Variants in HELZ observed in about 807,000 individuals in gnomAD.
HELZ encodes the protein helicase with zinc finger.
In HELZ, 23 loss-of-function variants were observed where a neutral mutation model predicts 218.2. That is an observed-to-expected ratio of 0.11 (90% CI 0.08 to 0.15). The LOEUF (loss-of-function observed/expected upper bound fraction) is 0.15, where lower values mean the gene tolerates loss of function less well. Ranked by LOEUF, HELZ falls within the 10% of genes least tolerant of loss-of-function variation. The pLI, the probability that HELZ is intolerant of heterozygous loss-of-function variation, is 1.00. For synonymous variants in HELZ, 814 were observed against 829.4 expected (o/e 0.98, Z 0.32); for missense variants, 1,813 against 2,353.7 (o/e 0.77, Z 4.75).
intron 14 of HELZ, among the ~76,000 whole-genome samples, chr17:67,166,851 CTAT>C (rs2039161319): frequency 6.6e-6 from 1 of 152,008 alleles, no homozygotes; most frequent in Non-Finnish European, 1.5e-5. Context: ...TATATATATA[CTAT>C]TATTAACATC....
chr17:67,129,678 G>T (rs1464767359), intron 23 of HELZ, among the ~76,000 whole-genome samples: 3 of 151,970 alleles, frequency 2.0e-5, no homozygotes, highest in Non-Finnish European at 2.9e-5. Context: ...TTTTAATGTT[G>T]ATTATTCATT....
At chr17:67,182,401 C>T (rs1013248716) in intron 12 of HELZ, among the ~76,000 whole-genome samples, 1 of 152,066 alleles carries the variant, frequency 6.6e-6, no homozygotes, top group Admixed American at 6.6e-5. Flanking sequence ...GCCAACACTG[C>T]ACCACTGTAT....
chr17:67,088,850 T>G (rs1180420445), intron 31 of HELZ, among the ~76,000 whole-genome samples: 2 of 152,254 alleles, frequency 1.3e-5, no homozygotes, highest in East Asian at 3.8e-4. Context: ...CAACTAGGAA[T>G]GTAATCAGCA....
At chr17:67,146,853 G>A (rs1182705463) in intron 20 of HELZ, among the ~76,000 whole-genome samples, 1 of 152,056 alleles carries the variant, frequency 6.6e-6, no homozygotes, top group East Asian at 1.9e-4. Context: ...TCTGGTCAGG[G>A]TAGTGACTGG....
intron 17 of HELZ, among the ~76,000 whole-genome samples, chr17:67,153,768 G>A (rs560103702): frequency 1.0e-3 from 153 of 152,246 alleles, no homozygotes; most frequent in African/African-American, 3.7e-3. Flanking sequence ...ATGCAAAAAG[G>A]TAGCATCATG....
In HELZ at chr17:67,218,753, T is replaced by C; in HGVS notation, c.52A>G (p.Lys18Glu). The C allele has an allele frequency of 6.2e-7, 1 of 1,614,228 alleles. No individual in the cohort carries two copies. Among genetic ancestry groups the C allele is most frequent in the East Asian group, 2.2e-5 (1 of 44,890 alleles). Residue 18 changes from lysine (K) to glutamate (E), a missense_variant, in exon 4 of 33, where the codon AAG becomes GAG. Coordinates refer to ENST00000358691, the MANE Select transcript of HELZ (RefSeq NM_014877.4). ...KSCEQACESL[K>E]RQDYEMALKH... is the part of the protein sequence containing the mutation. Reference sequence around the variant, plus strand: ...AGGGCCATTTCATAGTCCTGCCTCTTAAGTGATTCACATGCTTGTTCACAT... The same window carrying C: ...AGGGCCATTTCATAGTCCTGCCTCTCAAGTGATTCACATGCTTGTTCACAT...
intron 31 of HELZ, among the ~76,000 whole-genome samples, chr17:67,094,562 A>T (rs1345517792): frequency 6.6e-6 from 1 of 152,214 alleles, no homozygotes; most frequent in African/African-American, 2.4e-5. Flanking sequence ...TTTCCAGTGC[A>T]TATAAAAATT....
intron 28 of HELZ, among the ~76,000 whole-genome samples, chr17:67,111,163 C>T (rs370791943): frequency 5.3e-5 from 8 of 152,284 alleles, no homozygotes; most frequent in Non-Finnish European, 1.0e-4. Context: ...TCAGAGGAAA[C>T]TACAAGAGCC....
chr17:67,147,898 C>T (rs1218220786), intron 20 of HELZ, among the ~76,000 whole-genome samples: 1 of 152,204 alleles, frequency 6.6e-6, no homozygotes, highest in East Asian at 1.9e-4. Flanking sequence ...TGGATGGTGG[C>T]GCACCCAGGG....
chr17:67,192,890 A>G lies in HELZ; in HGVS notation c.557+1077T>C, dbSNP rs539186683. ...TTAAATTTTGAAAGGTTAGCCCTTC[A>G]TTATGAATTATTCATAAATTCTACA... On this transcript the variant is annotated intron_variant, in intron 9 of 32. Coordinates refer to ENST00000358691, the MANE Select transcript of HELZ (RefSeq NM_014877.4). Among the ~76,000 whole-genome samples the G allele has an allele frequency of 2.6e-5, 4 of 152,238 alleles. No individual in the cohort carries two copies. In the South Asian group the frequency reaches 8.3e-4, roughly 31 times the overall value.
chr17:67,144,579 G>C (rs1323812791), intron 21 of HELZ, among the ~76,000 whole-genome samples: 1 of 151,604 alleles, frequency 6.6e-6, no homozygotes, highest in East Asian at 1.9e-4. Context: ...AAACACACCA[G>C]GTCACCGTGA....
chr17:67,184,916 AATTAT>A (rs1355413176), intron 12 of HELZ, among the ~76,000 whole-genome samples: 5 of 152,196 alleles, frequency 3.3e-5, no homozygotes, highest in Non-Finnish European at 7.3e-5. Flanking sequence ...GCAAAAACCA[AATTAT>A]ATTATAATTT....
intron 15 of HELZ, among the ~76,000 whole-genome samples, chr17:67,164,099 T>A (rs554222319): frequency 1.3e-5 from 2 of 152,334 alleles, no homozygotes; most frequent in Admixed American, 6.5e-5. Flanking sequence ...AACTTAAATG[T>A]GCCGAATATG....
chr17:67,118,643 G>A (rs2037499578), intron 27 of HELZ, among the ~76,000 whole-genome samples: 1 of 127,100 alleles, frequency 7.9e-6, no homozygotes, highest in South Asian at 2.7e-4. Context: ...TTGAGCCCAG[G>A]AGTTCAAGGT....
chr17:67,123,823 G>GTGTGTA, intron 25 of HELZ, 140 bp downstream of exon 25: 1 of 684,956 alleles, frequency 1.5e-6, no homozygotes, highest in Non-Finnish European at 2.7e-6. Context: ...GACTGTGTGT[G>GTGTGTA]TGTGTGTGTG....
At position 67,134,931 on chromosome 17, in the gene HELZ, T is replaced by C. The variant is rs370632633; in HGVS notation, c.3182+1039A>G. Among the ~76,000 whole-genome samples the C allele has an allele frequency of 5.3e-5, 8 of 152,222 alleles. No individual in the cohort carries two copies. The East Asian group carries it at 1.4e-3, about 26-fold the overall frequency. Reference sequence around the variant, plus strand: ...AAAATTTTAAGTAATCCCTAGTGTATTTCTTTCTTTTTCACAAAAGAATAT... The same window carrying C: ...AAAATTTTAAGTAATCCCTAGTGTACTTCTTTCTTTTTCACAAAAGAATAT... On this transcript the variant is annotated intron_variant, in intron 23 of 32. Transcript: ENST00000358691.
rs193205484 is a variant in HELZ at position 67,225,985 on chromosome 17, G to A, written c.-18-7163C>T. Among the ~76,000 whole-genome samples the A allele has an allele frequency of 6.6e-4, 101 of 152,220 alleles. 2 individuals are homozygous for A. The highest frequency in any genetic ancestry group is 2.2e-3 in the African/African-American group (93 of 41,560). On this transcript the variant is annotated intron_variant, in intron 3 of 32. Transcript: ENST00000358691. Reference sequence around the variant, plus strand: ...CTGAAATATAAAGAACTCCCTGACGGGCGTGGTGGCTCACACCTGTAATCC... The same window carrying A: ...CTGAAATATAAAGAACTCCCTGACGAGCGTGGTGGCTCACACCTGTAATCC...
At position 67,108,542 on chromosome 17, in the gene HELZ, G is replaced by C; in HGVS notation, c.4674C>G (p.Asp1558Glu). 1.9e-6 allele frequency: 3 copies of C among 1,614,118 alleles called. No individual in the cohort carries two copies. The highest frequency in any genetic ancestry group is 2.5e-6 in the Non-Finnish European group (3 of 1,180,008). Residue 1558 changes from aspartate to glutamate, a missense_variant, in exon 30 of 33, where the codon GAC becomes GAG. Physicochemically the swap from Asp to Glu is conservative, Grantham distance 45. Around this residue, in one of 4 missense-constraint regions of HELZ, gnomAD observed 938 missense variants for 1,027.5 expected, o/e 0.91. Transcript: ENST00000358691. This position sits in a 1 kb window ranked among gnomAD's most constrained non-coding sequence, Gnocchi z 4.1. ...CTTCGGCACTGCTGGTGAGCTTCCAGTCTGCCCTCACTGGCGGCTGATGTA... is the reference window on the plus strand; with the variant it reads ...CTTCGGCACTGCTGGTGAGCTTCCACTCTGCCCTCACTGGCGGCTGATGTA... Reference protein sequence around the residue: ...LGLHQPPVRADWKLTSSAEDE... With the variant: ...LGLHQPPVRAEWKLTSSAEDE...
rs1334325104 is a variant in HELZ, at chr17:67,215,895, A to G, written c.247+4T>C. 6.5e-7 allele frequency: 1 copy of G among 1,547,128 alleles called. No individual in the cohort carries two copies. The highest frequency in any genetic ancestry group is 8.9e-7 in the Non-Finnish European group (1 of 1,122,388). ...AATAATTCGAGTCTCATTTTTAAAC[A>G]TACCATGTCTACAATCTTCATCAGC... On this transcript the variant is annotated splice_donor_region_variant and intron_variant, in intron 5 of 32. Coordinates refer to ENST00000358691, the MANE Select transcript of HELZ (RefSeq NM_014877.4).
Sources: gnomAD v4.1 joint callset for allele counts (sites outside exome capture counted in the v4.1 genomes callset) on GRCh38, gnomAD v4.1.1 for gene constraint, gnomAD v4.1.1 regional missense constraint, Gnocchi (gnomAD v3.1) non-coding constraint, MANE v1.5 for transcripts, NCBI Gene and HGNC (gene_info 2026-07-23, HGNC 2026-07-21) for gene names.